Variants in SEPTIN7 observed in about 807,000 individuals in gnomAD.
SEPTIN7 encodes septin 7.
Under a neutral mutation model 63.3 loss-of-function variants are expected in SEPTIN7, and 10 were observed. That is an observed-to-expected ratio of 0.16 (90% CI 0.10 to 0.27). SEPTIN7 has a LOEUF of 0.27. Among genes scored for constraint, SEPTIN7 ranks in the 10% least tolerant of loss-of-function variants. The pLI, the probability that SEPTIN7 is intolerant of heterozygous loss-of-function variation, is 1.00. For synonymous variants in SEPTIN7, 131 were observed against 165.3 expected, an observed-to-expected ratio of 0.79 and a Z score of 1.59; for missense variants, 310 against 521.0, an observed-to-expected ratio of 0.59 and a Z score of 3.94.
At chr7:35,910,719 G>A (rs1451182006), downstream of SEPTIN7, among the ~76,000 whole-genome samples, 2 of 152,296 alleles carry the variant, frequency 1.3e-5, no homozygotes, top group East Asian at 3.9e-4. Flanking sequence ...CAGGGATTAC[G>A]GGACAGCCCA....
At chr7:35,873,500 T>A in intron 5 of SEPTIN7, 141 bp from the exon 6 acceptor site, 1 of 696,078 alleles carries the variant, frequency 1.4e-6, no homozygotes, top group East Asian at 3.0e-5. Context: ...TTTATATTTT[T>A]GAATATATAG....
chr7:35,907,516 G>A (rs936228735), downstream of SEPTIN7, among the ~76,000 whole-genome samples: 20 of 152,000 alleles, frequency 1.3e-4, no homozygotes, highest in African/African-American at 4.6e-4. Flanking sequence ...TCTGCAAAAG[G>A]ATGAGGAAAC....
the SEPTIN7 span, among the ~76,000 whole-genome samples, chr7:35,915,158 T>C: frequency 2.6e-5 from 4 of 152,092 alleles, no homozygotes; most frequent in Admixed American, 6.5e-5. Context: ...TATACATGTG[T>C]ACATATATAT....
At chr7:35,882,149 A>G (rs1012200522) in intron 7 of SEPTIN7, among the ~76,000 whole-genome samples, 1 of 152,030 alleles carries the variant, frequency 6.6e-6, no homozygotes, top group Non-Finnish European at 1.5e-5. Context: ...GTCATTGTAA[A>G]TAAATGACCT....
At chr7:35,912,500 G>T in the SEPTIN7 span, among the ~76,000 whole-genome samples, 6 of 152,068 alleles carry the variant, frequency 3.9e-5, no homozygotes, top group East Asian at 1.9e-4. Flanking sequence ...ATCTCTGTTC[G>T]GGGCTCTCAG....
chr7:35,827,331 C>T (rs1184903943), intron 1 of SEPTIN7, among the ~76,000 whole-genome samples: 2 of 151,898 alleles, frequency 1.3e-5, no homozygotes, highest in African/African-American at 4.8e-5. Context: ...GTTCCTTATC[C>T]CGAGATATTT....
chr7:35,870,310 CT>C (rs1786069376), intron 4 of SEPTIN7, among the ~76,000 whole-genome samples: 1 of 151,954 alleles, frequency 6.6e-6, no homozygotes, highest in African/African-American at 2.4e-5. Flanking sequence ...AGGGAAATAT[CT>C]TAAAATTTAA....
Position 35,891,099 on chromosome 7 carries a change from A to C in SEPTIN7, c.998+306A>C, listed in dbSNP as rs376693856. 1.5e-3 allele frequency among the ~76,000 whole-genome samples: 228 copies of C among 152,092 alleles called. 8 individuals carry two copies. The South Asian group carries it at 0.046, about 31-fold the overall frequency. On this transcript the variant is annotated intron_variant, in intron 11 of 13. Transcript: ENST00000350320. ...CTATTCCAGGGAGTAAATTAGCTGG[A>C]GTTTCGTTTTCTTCTTTTGGTTGTT...
intron 3 of SEPTIN7, among the ~76,000 whole-genome samples, chr7:35,850,051 T>A (rs1197846830): frequency 6.6e-6 from 1 of 152,244 alleles, no homozygotes; most frequent in African/African-American, 2.4e-5. Context: ...TTTCTTAATT[T>A]CATCTACCTT....
At chr7:35,829,713 G>A (rs1783727495) in intron 1 of SEPTIN7, among the ~76,000 whole-genome samples, 1 of 152,164 alleles carries the variant, frequency 6.6e-6, no homozygotes, top group Non-Finnish European at 1.5e-5. Flanking sequence ...CGTTGATGGA[G>A]CTTACATTGC....
chr7:35,814,962 G>C (rs1359631006), intron 1 of SEPTIN7, among the ~76,000 whole-genome samples: 1 of 120,484 alleles, frequency 8.3e-6, no homozygotes, highest in Non-Finnish European at 1.6e-5. Context: ...GCGACAGAGC[G>C]AGACTCCTTC....
At chr7:35,862,004 T>G (rs1361066434) in intron 3 of SEPTIN7, among the ~76,000 whole-genome samples, 1 of 152,228 alleles carries the variant, frequency 6.6e-6, no homozygotes, top group African/African-American at 2.4e-5. Flanking sequence ...AATTTCTGGT[T>G]GTTTTTGGTG....
chr7:35,883,786 A>ATT (rs35686699), intron 8 of SEPTIN7, 105 bp from the exon 9 acceptor site: 37,147 of 416,844 alleles, frequency 0.089, 613 homozygotes, highest in Non-Finnish European at 0.12. Context: ...TCGAAAGTAA[A>ATT]TTTTTTTTTT....
At chr7:35,801,019 C>T, upstream of SEPTIN7, 1 of 456,228 alleles carries the variant, frequency 2.2e-6, no homozygotes, top group South Asian at 4.0e-5. Flanking sequence ...GGCCCGGAAG[C>T]CTCGTCTGAG....
intron 1 of SEPTIN7, chr7:35,803,286 T>C (rs956705631): frequency 7.8e-5 from 21 of 268,898 alleles, no homozygotes; most frequent in African/African-American, 4.6e-4. Context: ...TAGAAGTCAT[T>C]TTAAGTAAAT....
chr7:35,802,180 C>T (rs1182944626), intron 1 of SEPTIN7: 5 of 243,858 alleles, frequency 2.1e-5, no homozygotes, highest in African/African-American at 1.1e-4. Context: ...TTAACGAGCC[C>T]TTTCATTTCC....
At chr7:35,872,509 A>G (rs191158280) in intron 4 of SEPTIN7, among the ~76,000 whole-genome samples, 157 bp from the exon 5 acceptor site, 33 of 152,262 alleles carry the variant, frequency 2.2e-4, no homozygotes, top group African/African-American at 7.2e-4. Context: ...AATGCCCGCT[A>G]TCATCAATTC....
chr7:35,808,724 T>A (rs1001285555), intron 1 of SEPTIN7, among the ~76,000 whole-genome samples: 2 of 152,230 alleles, frequency 1.3e-5, no homozygotes, highest in African/African-American at 4.8e-5. Context: ...TTAATCCTAT[T>A]AATACCATTA....
chr7:35,807,260 C>T (rs1237822929), intron 1 of SEPTIN7, among the ~76,000 whole-genome samples: 1 of 151,604 alleles, frequency 6.6e-6, no homozygotes, highest in African/African-American at 2.4e-5. Context: ...TCTCAGCCAC[C>T]GCAGCCTCCG....
Sources: allele counts gnomAD v4.1 joint callset (sites outside exome capture counted in the v4.1 genomes callset), GRCh38; gene constraint gnomAD v4.1.1; transcripts MANE v1.5; gene names NCBI Gene and HGNC (gene_info 2026-07-23, HGNC 2026-07-21).